ADAM28: variants seen among roughly 807,000 people sequenced by gnomAD.
The protein encoded by ADAM28 is ADAM metallopeptidase domain 28, also known as disintegrin and metalloproteinase domain-containing protein 28.
Under a neutral mutation model 101.2 loss-of-function variants are expected in ADAM28, and 105 were observed. The ratio of observed to expected loss-of-function variants is 1.04; its 90% CI spans 0.89 to 1.22. The LOEUF (loss-of-function observed/expected upper bound fraction) is 1.22. Among genes scored for constraint, ADAM28 ranks in the 50% most tolerant of loss-of-function variants. ADAM28 has a pLI of 0.00. For missense variants in ADAM28, 1,028 were observed against 945.4 expected (o/e 1.09, Z -1.15); for synonymous variants, 322 against 310.6 (o/e 1.04, Z -0.39).
At chr8:24,340,096 G>A (rs913720195) in intron 15 of ADAM28, among the ~76,000 whole-genome samples, 5 of 152,136 alleles carry the variant, frequency 3.3e-5, no homozygotes, top group Non-Finnish European at 7.4e-5. Flanking sequence ...ACTGATATCC[G>A]GGAAAACACT....
chr8:24,318,220 G>T (rs943973613), intron 6 of ADAM28, among the ~76,000 whole-genome samples: 3 of 151,982 alleles, frequency 2.0e-5, no homozygotes, highest in Non-Finnish European at 4.4e-5. Flanking sequence ...GGGTTTGCTT[G>T]TACAGGGCCT....
At chr8:24,326,522 A>C (rs999762875) in intron 9 of ADAM28, 32 bp from the exon 10 acceptor site, 7 of 1,597,742 alleles carry the variant, frequency 4.4e-6, no homozygotes, top group African/African-American at 2.7e-5. Context: ...TAGCATTATA[A>C]TTTGTTACAT....
At chr8:24,310,137 CA>C (rs995397206) in intron 3 of ADAM28, 25 bp from the exon 4 acceptor site, 5 of 1,609,856 alleles carry the variant, frequency 3.1e-6, no homozygotes, top group Non-Finnish European at 4.2e-6. Context: ...CAAGTAACCA[CA>C]ACATTTTTGT....
intron 1 of ADAM28, 195 bp from the exon 2 acceptor site, chr8:24,299,779 A>G (rs1438511941): frequency 1.1e-5 from 5 of 447,156 alleles, no homozygotes; most frequent in Non-Finnish European, 1.2e-5. Flanking sequence ...AGGCTAAAGT[A>G]AAACTTTAAG....
At chr8:24,306,653 C>T (rs193209551) in intron 2 of ADAM28, among the ~76,000 whole-genome samples, 8 of 151,940 alleles carry the variant, frequency 5.3e-5, no homozygotes. Flanking sequence ...TCATAGGGGG[C>T]ATATGTATTT....
chr8:24,299,083 C>T (rs1808364732), intron 1 of ADAM28, among the ~76,000 whole-genome samples: 1 of 151,718 alleles, frequency 6.6e-6, no homozygotes, highest in Non-Finnish European at 1.5e-5. Flanking sequence ...GTCCCAGCTA[C>T]TCTGGAGGCT....
chr8:24,325,883 A>ACAAACAAAC (rs1554514033), intron 9 of ADAM28, among the ~76,000 whole-genome samples: 4 of 114,674 alleles, frequency 3.5e-5, no homozygotes, highest in African/African-American at 1.1e-4. Flanking sequence ...AAAAAAAAAA[A>ACAAACAAAC]AAAAAAAAAA....
intron 19 of ADAM28, among the ~76,000 whole-genome samples, chr8:24,350,370 G>A (rs1815949017): frequency 1.3e-5 from 2 of 152,124 alleles, no homozygotes; most frequent in South Asian, 4.1e-4. Context: ...GGAGTGCGAT[G>A]CTGCGATCTC....
chr8:24,320,212 G>C, intron 6 of ADAM28, 24 bp from the exon 7 acceptor site: 1 of 1,494,470 alleles, frequency 6.7e-7, no homozygotes, highest in Non-Finnish European at 9.2e-7. Context: ...TATTGTATCA[G>C]TAATTCTACT....
chr8:24,342,960 CCG>C lies in ADAM28; in HGVS notation c.1831-140_1831-139del. The C allele has an allele frequency of 3.5e-6, 5 of 1,435,654 alleles. No individual in the cohort carries two copies. In the South Asian group the frequency reaches 7.5e-5, roughly 21 times the overall value. 88.9% of individuals were successfully genotyped at this position (1,435,654 alleles called of 1,614,324 possible). A position where few individuals can be genotyped will look rare whatever the true frequency, so the allele number is the denominator to read the frequency against. ...AAGAGGATAATGTAAGCAACAGAGC[CCG>C]TCTCTGTTTCCCTTCTTCTACATCA... On this transcript the variant is annotated intron_variant, in intron 16 of 22. Transcript: ENST00000265769.
intron 17 of ADAM28, 98 bp from the exon 18 acceptor site, chr8:24,343,408 G>A: frequency 7.9e-7 from 1 of 1,267,192 alleles, no homozygotes; most frequent in Non-Finnish European, 1.1e-6. Context: ...GGAGACTGGG[G>A]TTATTCCTTT....
chr8:24,318,263 C>T (rs893933441), intron 6 of ADAM28, among the ~76,000 whole-genome samples: 2 of 151,928 alleles, frequency 1.3e-5, no homozygotes, highest in South Asian at 4.1e-4. Context: ...TTGGTAACTA[C>T]GTGGAAAGAG....
chr8:24,343,209 G>T (rs767744061), intron 17 of ADAM28, 28 bp downstream of exon 17: 1 of 1,606,302 alleles, frequency 6.2e-7, no homozygotes, highest in South Asian at 1.1e-5. Context: ...GTTTCCCTAA[G>T]CTCTCTGAAT....
intron 18 of ADAM28, among the ~76,000 whole-genome samples, chr8:24,349,096 C>A (rs1207687862): frequency 6.6e-6 from 1 of 152,170 alleles, no homozygotes; most frequent in African/African-American, 2.4e-5. Context: ...TGTGTGCTCA[C>A]ACTTGTGAAC....
At chr8:24,325,765 A>G (rs535808627) in intron 9 of ADAM28, among the ~76,000 whole-genome samples, 4 of 151,102 alleles carry the variant, frequency 2.6e-5, no homozygotes. Flanking sequence ...ATGGTAAAAT[A>G]CAGGTTCAAT....
intron 2 of ADAM28, among the ~76,000 whole-genome samples, chr8:24,304,180 T>C (rs912362364): frequency 6.6e-5 from 10 of 150,518 alleles, no homozygotes; most frequent in African/African-American, 2.2e-4. Context: ...GTTTTGAATA[T>C]ATATTTTGAT....
At chr8:24,295,287 C>T (rs1025168731) in intron 1 of ADAM28, among the ~76,000 whole-genome samples, 1 of 152,112 alleles carries the variant, frequency 6.6e-6, no homozygotes, top group African/African-American at 2.4e-5. Flanking sequence ...TCCCACTGTG[C>T]TGTGATCCTC....
intron 6 of ADAM28, among the ~76,000 whole-genome samples, chr8:24,316,014 T>A (rs1215466659): frequency 6.6e-6 from 1 of 151,904 alleles, no homozygotes; most frequent in East Asian, 1.9e-4. Flanking sequence ...TGGTTCTTGA[T>A]TTGAGAGTTT....
chr8:24,324,007 T>C lies in ADAM28; in HGVS notation c.890+4T>C, dbSNP rs375052502. 2 of 1,611,090 alleles carry C rather than the reference T, an allele frequency of 1.2e-6. No individual in the cohort carries two copies. The highest frequency in any genetic ancestry group is 1.7e-6 in the Non-Finnish European group (2 of 1,178,182). ...ATGATATTGCTCAGTTAATCACGTATGTACAGATTTTCTCCCATTGCACAC... is the reference window on the plus strand; with the variant it reads ...ATGATATTGCTCAGTTAATCACGTACGTACAGATTTTCTCCCATTGCACAC... On this transcript the variant is annotated splice_donor_region_variant and intron_variant, in intron 9 of 22. Coordinates refer to ENST00000265769, the MANE Select transcript of ADAM28 (RefSeq NM_014265.6).
Sources: gnomAD v4.1 joint callset for allele counts (sites outside exome capture counted in the v4.1 genomes callset) on GRCh38, gnomAD v4.1.1 for gene constraint, MANE v1.5 for transcripts, NCBI Gene and HGNC (gene_info 2026-07-23, HGNC 2026-07-21) for gene names.